Variants in SLC24A4 observed in about 807,000 individuals in gnomAD.
SLC24A4 encodes solute carrier family 24 member 4.
SLC24A4 carries 53 observed loss-of-function variants against 79.0 expected under a neutral mutation model. The ratio of observed to expected loss-of-function variants is 0.67; its 90% confidence interval spans 0.54 to 0.84. The LOEUF (loss-of-function observed/expected upper bound fraction) is 0.84. SLC24A4 is among the 40% of genes least tolerant of loss of function. The pLI, the probability that SLC24A4 is intolerant of heterozygous loss-of-function variation, is 0.00. For synonymous variants in SLC24A4, 323 were observed against 323.8 expected (o/e 1.00, Z 0.03); for missense variants, 731 against 822.0 (o/e 0.89, Z 1.35).
intron 16 of SLC24A4, 113 bp from the exon 17 acceptor site, chr14:92,493,363 C>T (rs1354749810): frequency 1.2e-5 from 15 of 1,296,174 alleles, no homozygotes; most frequent in East Asian, 2.4e-5. Flanking sequence ...GCTACACTTG[C>T]CCACATTCTG....
rs374763038 is a variant in SLC24A4 at position 92,449,197 on chromosome 14, C to T, written c.861C>T (p.Ser287=). The stretch of plus-strand genomic sequence containing the variant: ...ATGACGGTAGCTATGATGACCCTTC[C>T]GTGCCATTGCTGGGGCAAGGTAAGG... ...DFYDGSYDDP[S]VPLLGQVKEK... is the part of the protein sequence containing the mutation. Residue 287 remains serine, a synonymous_variant, in exon 10 of 17, where the codon TCC becomes TCT. Coordinates refer to ENST00000532405, the MANE Select transcript of SLC24A4 (RefSeq NM_153646.4). 6 of 1,613,862 alleles carry T rather than the reference C, an allele frequency of 3.7e-6. No individual in the cohort carries two copies. The highest frequency in any genetic ancestry group is 2.7e-5 in the African/African-American group (2 of 74,876).
At chr14:92,430,761 C>A (rs1316797065) in intron 2 of SLC24A4, among the ~76,000 whole-genome samples, 5 of 152,218 alleles carry the variant, frequency 3.3e-5, no homozygotes, top group Non-Finnish European at 5.9e-5. Flanking sequence ...CTGGGATCAT[C>A]CCTGGTTCCT....
intron 2 of SLC24A4, among the ~76,000 whole-genome samples, chr14:92,407,375 C>T (rs1255463343): frequency 6.6e-6 from 1 of 152,204 alleles, no homozygotes; most frequent in Non-Finnish European, 1.5e-5. Flanking sequence ...AACGTCTGCC[C>T]ATTACCCAAT....
intron 2 of SLC24A4, among the ~76,000 whole-genome samples, chr14:92,374,297 C>T (rs577078702): frequency 6.6e-6 from 1 of 152,306 alleles, no homozygotes; most frequent in East Asian, 1.9e-4. Flanking sequence ...CCCACTCATT[C>T]GAGAAGACCA....
chr14:92,393,547 T>A (rs1051404197), intron 2 of SLC24A4, among the ~76,000 whole-genome samples: 1 of 101,100 alleles, frequency 9.9e-6, no homozygotes, highest in Non-Finnish European at 1.9e-5. Flanking sequence ...GACACACTCT[T>A]TTTTTTTTTT....
chr14:92,416,838 G>C (rs970362100), intron 2 of SLC24A4, among the ~76,000 whole-genome samples: 1 of 152,230 alleles, frequency 6.6e-6, no homozygotes, highest in African/African-American at 2.4e-5. Context: ...ACCAAGCCTA[G>C]AAGGAATGAG....
intron 2 of SLC24A4, among the ~76,000 whole-genome samples, chr14:92,368,364 C>T (rs1345263389): frequency 6.6e-6 from 1 of 152,210 alleles, no homozygotes; most frequent in Non-Finnish European, 1.5e-5. Flanking sequence ...GGATAGGAGA[C>T]ATCCATCTGC....
intron 2 of SLC24A4, among the ~76,000 whole-genome samples, chr14:92,369,928 G>A (rs1176548416): frequency 6.6e-6 from 1 of 152,196 alleles, no homozygotes; most frequent in Non-Finnish European, 1.5e-5. Context: ...TCCTAAGGAG[G>A]AAAAGATACT....
At chr14:92,421,130 T>C (rs1891254944) in intron 2 of SLC24A4, among the ~76,000 whole-genome samples, 1 of 152,184 alleles carries the variant, frequency 6.6e-6, no homozygotes, top group African/African-American at 2.4e-5. Flanking sequence ...ACCAAGGGGC[T>C]TGTTACTTGT....
intron 2 of SLC24A4, among the ~76,000 whole-genome samples, chr14:92,365,114 A>G (rs1441215912): frequency 3.9e-5 from 6 of 152,216 alleles, no homozygotes; most frequent in Non-Finnish European, 5.9e-5. Context: ...TGGCACCGCC[A>G]TCCTTAAAGT....
At chr14:92,484,945 G>T in intron 13 of SLC24A4, 1 of 926,440 alleles carries the variant, frequency 1.1e-6, no homozygotes, top group Non-Finnish European at 1.3e-6. Context: ...TGTCGAGTTA[G>T]TGTTGTGTAC....
At chr14:92,334,401 C>A (rs1056911387) in intron 2 of SLC24A4, among the ~76,000 whole-genome samples, 1 of 152,100 alleles carries the variant, frequency 6.6e-6, no homozygotes, top group East Asian at 1.9e-4. Flanking sequence ...AGATGGCACC[C>A]GGCATCACTG....
intron 2 of SLC24A4, among the ~76,000 whole-genome samples, chr14:92,432,572 G>A (rs923989466): frequency 5.3e-5 from 8 of 152,176 alleles, no homozygotes; most frequent in African/African-American, 1.9e-4. Context: ...CCATCTCTGA[G>A]CTGACAAACC....
At chr14:92,412,111 T>C (rs1188905757) in intron 2 of SLC24A4, among the ~76,000 whole-genome samples, 1 of 152,134 alleles carries the variant, frequency 6.6e-6, no homozygotes, top group East Asian at 1.9e-4. Context: ...CCTTGAGATG[T>C]ACAAGCCTGC....
intron 12 of SLC24A4, among the ~76,000 whole-genome samples, chr14:92,471,745 C>G (rs375836008): frequency 2.0e-5 from 3 of 152,006 alleles, no homozygotes; most frequent in South Asian, 4.2e-4. Context: ...GGAGTCAGCC[C>G]CTGTCTAAAC....
At chr14:92,410,184 A>AT (rs1371297805) in intron 2 of SLC24A4, among the ~76,000 whole-genome samples, 3 of 152,062 alleles carry the variant, frequency 2.0e-5, no homozygotes, top group Non-Finnish European at 4.4e-5. Context: ...ACCTAAAATA[A>AT]ATGTTTAAAA....
chr14:92,382,184 A>G (rs974978578), intron 2 of SLC24A4, among the ~76,000 whole-genome samples: 3 of 152,168 alleles, frequency 2.0e-5, no homozygotes, highest in Admixed American at 6.5e-5. Context: ...ACATATATAC[A>G]TATGTATACA....
chr14:92,468,665 C>A lies in SLC24A4; in HGVS notation c.1255+12057C>A, dbSNP rs151185902. Among the ~76,000 whole-genome samples the A allele has an allele frequency of 2.4e-3, 368 of 152,274 alleles. 3 individuals are homozygous for A. Among genetic ancestry groups the A allele is most frequent in the African/African-American group, 8.6e-3 (357 of 41,550 alleles). ...ACAACTCACTAGGGGAAATAATACT[C>A]TTTTCAACAAATGGTGCTAGGACAA... On this transcript the variant is annotated intron_variant, in intron 12 of 16. Transcript: ENST00000532405.
At chr14:92,485,896 A>G (rs1163246670) in intron 13 of SLC24A4, among the ~76,000 whole-genome samples, 1 of 152,122 alleles carries the variant, frequency 6.6e-6, no homozygotes, top group Non-Finnish European at 1.5e-5. Context: ...TTACTGGGGC[A>G]CTCTTACCTA....
Sources: allele counts gnomAD v4.1 joint callset (sites outside exome capture counted in the v4.1 genomes callset), GRCh38; gene constraint gnomAD v4.1.1; transcripts MANE v1.5; gene names NCBI Gene and HGNC (gene_info 2026-07-23, HGNC 2026-07-21).